PSD2: variants seen among roughly 807,000 people sequenced by gnomAD.
PSD2 encodes the protein pleckstrin and Sec7 domain containing 2.
A neutral mutation model predicts 69.8 loss-of-function variants in PSD2; 38 were observed. The ratio of observed to expected loss-of-function variants is 0.54; its 90% CI spans 0.42 to 0.71. The LOEUF (loss-of-function observed/expected upper bound fraction) is 0.71. PSD2 is among the 30% of genes least tolerant of loss of function. PSD2 has a pLI of 0.00. For missense variants in PSD2, 943 were observed against 1,014.5 expected, an observed-to-expected ratio of 0.93 and a Z score of 0.96; for synonymous variants, 412 against 423.0, an observed-to-expected ratio of 0.97 and a Z score of 0.32.
chr5:139,776,097 A>T, the PSD2 span, among the ~76,000 whole-genome samples: 28 of 152,154 alleles, frequency 1.8e-4, no homozygotes, highest in African/African-American at 6.7e-4. Flanking sequence ...ATACCCCATC[A>T]CCATGGTAAC....
the PSD2 span, among the ~76,000 whole-genome samples, chr5:139,751,659 G>A: frequency 2.6e-5 from 4 of 152,198 alleles, 1 homozygote; most frequent in African/African-American, 7.2e-5. Context: ...CAGTGTGCCT[G>A]TGAGCGTTCT....
At chr5:139,791,233 C>T (rs548729687), upstream of PSD2, among the ~76,000 whole-genome samples, 1 of 152,060 alleles carries the variant, frequency 6.6e-6, no homozygotes, top group Admixed American at 6.6e-5. Flanking sequence ...AAGTCAAGAC[C>T]AGCCTGGGCA....
chr5:139,817,878 C>A (rs2126944912), intron 5 of PSD2, among the ~76,000 whole-genome samples: 1 of 152,320 alleles, frequency 6.6e-6, no homozygotes, highest in Admixed American at 6.5e-5. Flanking sequence ...CTTACTGCAT[C>A]CTCTGTACCC....
At chr5:139,794,923 A>T (rs1759480982), upstream of PSD2, among the ~76,000 whole-genome samples, 1 of 152,146 alleles carries the variant, frequency 6.6e-6, no homozygotes, top group South Asian at 2.1e-4. Flanking sequence ...TTCTTCAGTT[A>T]GAGTCCTGGG....
In PSD2 at chr5:139,837,293, G is replaced by T. The variant is rs371450373; in HGVS notation, c.1665+55G>T. The T allele has an allele frequency of 1.7e-4, 256 of 1,540,390 alleles. No homozygotes were observed. In the African/African-American group the frequency reaches 2.8e-3, roughly 17 times the overall value. Reference sequence around the variant, plus strand: ...GAAAGGGCCAGCTCAGTCCCATCCCGCCCTGGCCTTGTGGCACCCCGAAGC... The same window carrying T: ...GAAAGGGCCAGCTCAGTCCCATCCCTCCCTGGCCTTGTGGCACCCCGAAGC... On this transcript the variant is annotated intron_variant, in intron 11 of 14. Transcript: ENST00000274710. The surrounding 1 kb of genome is among the most constrained non-coding windows in gnomAD (Gnocchi z 5.0).
chr5:139,815,242 T>A (rs1760090052), intron 4 of PSD2, among the ~76,000 whole-genome samples: 1 of 151,882 alleles, frequency 6.6e-6, no homozygotes, highest in Non-Finnish European at 1.5e-5. Flanking sequence ...CTGCACCAGG[T>A]CCCCAACAAC....
chr5:139,837,390 G>T lies in PSD2; in HGVS notation c.1665+152G>T. The T allele has an allele frequency of 1.1e-6, 1 of 880,228 alleles. No homozygotes were observed. The highest frequency in any genetic ancestry group is 1.7e-6 in the Non-Finnish European group (1 of 572,856). The allele number at this position is 880,228 out of a possible 1,614,324, so 54.5% of individuals were successfully genotyped here. ...ACTTGGGCCCTCTCAGGGCTTTGGA[G>T]GTTTTTGGGAGAACTTGGTGCCCAG... On this transcript the variant is annotated intron_variant, in intron 11 of 14. Coordinates refer to ENST00000274710, the MANE Select transcript of PSD2 (RefSeq NM_032289.4). The surrounding 1 kb of genome is among the most constrained non-coding windows in gnomAD (Gnocchi z 5.0).
chr5:139,825,087 A>G (rs1388850127), intron 7 of PSD2, among the ~76,000 whole-genome samples: 1 of 152,198 alleles, frequency 6.6e-6, no homozygotes, highest in Non-Finnish European at 1.5e-5. Flanking sequence ...TGTTCCATGA[A>G]CAAGACAAGA....
upstream of PSD2, among the ~76,000 whole-genome samples, chr5:139,794,023 G>A (rs1316456156): frequency 1.3e-5 from 2 of 152,206 alleles, no homozygotes; most frequent in East Asian, 1.9e-4. Context: ...TCTGCCTACA[G>A]GTAGCAGAGG....
the PSD2 span, among the ~76,000 whole-genome samples, chr5:139,748,163 G>T: frequency 1.3e-5 from 2 of 152,026 alleles, no homozygotes; most frequent in Admixed American, 6.5e-5. Context: ...TCGGCATTTG[G>T]ATCTGAGCTG....
At chr5:139,750,194 C>T in the PSD2 span, among the ~76,000 whole-genome samples, 1 of 151,990 alleles carries the variant, frequency 6.6e-6, no homozygotes, top group African/African-American at 2.4e-5. Context: ...GGTGTAGTGG[C>T]AGGCGCCTGT....
chr5:139,769,141 C>G, the PSD2 span, among the ~76,000 whole-genome samples: 1 of 151,940 alleles, frequency 6.6e-6, no homozygotes, highest in African/African-American at 2.4e-5. Flanking sequence ...GATATTCATG[C>G]CAGGACCCAG....
chr5:139,823,897 C>T (rs577595284), intron 7 of PSD2, among the ~76,000 whole-genome samples: 1 of 152,356 alleles, frequency 6.6e-6, no homozygotes, highest in South Asian at 2.1e-4. Context: ...CTCATGGGTG[C>T]ACTGGGGCAC....
chr5:139,792,592 G>A (rs1337299767), upstream of PSD2, among the ~76,000 whole-genome samples: 1 of 152,202 alleles, frequency 6.6e-6, no homozygotes, highest in Non-Finnish European at 1.5e-5. Flanking sequence ...GGAAAGGGAG[G>A]TCACTTGGAG....
chr5:139,823,330 T>C (rs544137031), intron 7 of PSD2, among the ~76,000 whole-genome samples: 1 of 152,076 alleles, frequency 6.6e-6, no homozygotes, highest in East Asian at 1.9e-4. Context: ...GTGTAGCTAG[T>C]GGTGTGCATG....
the PSD2 span, among the ~76,000 whole-genome samples, chr5:139,780,824 A>G: frequency 6.6e-6 from 1 of 152,354 alleles, no homozygotes; most frequent in South Asian, 2.1e-4. Context: ...AAACTCTCAT[A>G]CATGCGCCAT....
At chr5:139,789,533 A>G in the PSD2 span, among the ~76,000 whole-genome samples, 1 of 152,238 alleles carries the variant, frequency 6.6e-6, no homozygotes, top group African/African-American at 2.4e-5. Context: ...AGCCGAGATC[A>G]TGCCCCTGCA....
chr5:139,761,436 C>G, the PSD2 span, among the ~76,000 whole-genome samples: 1 of 152,184 alleles, frequency 6.6e-6, no homozygotes, highest in African/African-American at 2.4e-5. Flanking sequence ...CTGTCAGGGT[C>G]TCCATGCTTC....
the PSD2 span, among the ~76,000 whole-genome samples, chr5:139,756,390 C>T: frequency 1.3e-5 from 2 of 152,216 alleles, no homozygotes; most frequent in African/African-American, 4.8e-5. Context: ...CCCCCGGGGT[C>T]GGGGCACCCA....
Sources: gnomAD v4.1 joint callset for allele counts (sites outside exome capture counted in the v4.1 genomes callset) on GRCh38, gnomAD v4.1.1 for gene constraint, Gnocchi (gnomAD v3.1) non-coding constraint, MANE v1.5 for transcripts, NCBI Gene and HGNC (gene_info 2026-07-23, HGNC 2026-07-21) for gene names.